Variants in P3H2 observed in about 807,000 individuals in gnomAD.
P3H2 encodes leprecan-like 1.
A neutral mutation model predicts 87.0 loss-of-function variants in P3H2; 80 were observed. The ratio of observed to expected loss-of-function variants is 0.92; its 90% CI spans 0.77 to 1.11. P3H2 has a LOEUF of 1.11. Among genes scored for constraint, P3H2 ranks in the 50% least tolerant of loss-of-function variants. The probability of loss-of-function intolerance (pLI) is 0.00; values close to 1 mark genes in which losing one functional copy is unlikely to be tolerated. For missense variants in P3H2, 1,001 were observed against 923.9 expected (o/e 1.08, Z -1.08); for synonymous variants, 367 against 359.3 (o/e 1.02, Z -0.24).
At position 189,970,804 on chromosome 3, in the gene P3H2, A is replaced by G. The variant is rs1355480299; in HGVS notation, c.1893+12T>C. The G allele has an allele frequency of 4.0e-6, 6 of 1,493,234 alleles. 1 individual carries two copies. Among genetic ancestry groups the G allele is most frequent in the Non-Finnish European group, 5.6e-6 (6 of 1,070,276 alleles). 92.5% of individuals were successfully genotyped at this position (1,493,234 alleles called of 1,614,324 possible). On this transcript the variant is annotated intron_variant, in intron 13 of 14. Coordinates refer to ENST00000319332, the MANE Select transcript of P3H2 (RefSeq NM_018192.4). The stretch of plus-strand genomic sequence containing the variant: ...ACATACTAAATAAGTATTCAAGAAT[A>G]GGTTTACTTACAGTCACAGTCTTAG...
At chr3:190,091,889 C>A (rs1011478887) in intron 1 of P3H2, among the ~76,000 whole-genome samples, 1 of 152,178 alleles carries the variant, frequency 6.6e-6, no homozygotes, top group African/African-American at 2.4e-5. Context: ...CAACGTGGAA[C>A]TAGGTTTTAC....
At chr3:190,069,214 G>GA (rs1021987000) in intron 1 of P3H2, among the ~76,000 whole-genome samples, 8 of 152,186 alleles carry the variant, frequency 5.3e-5, no homozygotes, top group Middle Eastern at 3.4e-3. Context: ...ATACCAAGAA[G>GA]AAAAAATCTA....
chr3:190,006,856 C>T (rs898036140), intron 1 of P3H2, among the ~76,000 whole-genome samples: 1 of 152,060 alleles, frequency 6.6e-6, no homozygotes, highest in African/African-American at 2.4e-5. Flanking sequence ...GTTTCGATTC[C>T]AGAGTAATGG....
intron 1 of P3H2, among the ~76,000 whole-genome samples, chr3:190,065,323 C>A (rs1726461861): frequency 6.6e-6 from 1 of 152,138 alleles, no homozygotes; most frequent in Non-Finnish European, 1.5e-5. Context: ...GAATCCATTA[C>A]CCTCCCTCCC....
At chr3:189,969,949 A>G (rs1161152553) in intron 13 of P3H2, 2 of 706,196 alleles carry the variant, frequency 2.8e-6, no homozygotes, top group Non-Finnish European at 5.2e-6. Context: ...TCGAAAATAT[A>G]TTTTTCTACC....
At chr3:190,094,409 T>C (rs991676260) in intron 1 of P3H2, among the ~76,000 whole-genome samples, 7 of 152,266 alleles carry the variant, frequency 4.6e-5, no homozygotes, top group African/African-American at 1.4e-4. Flanking sequence ...TTGAATTCTA[T>C]GACCCTGGTT....
Position 190,015,509 on chromosome 3 carries a change from G to A in P3H2, c.481-20067C>T, listed in dbSNP as rs143053044. Among the ~76,000 whole-genome samples the A allele has an allele frequency of 5.4e-3, 816 of 152,196 alleles. 6 individuals are homozygous for A. The highest frequency in any genetic ancestry group is 0.018 in the African/African-American group (766 of 41,518). ...GTTTTCCCTTCATGCCAATACCAGCGTTCTATGGTAGAAATAGCACTGACC... is the reference window on the plus strand; with the variant it reads ...GTTTTCCCTTCATGCCAATACCAGCATTCTATGGTAGAAATAGCACTGACC... On this transcript the variant is annotated intron_variant, in intron 1 of 14. Coordinates refer to ENST00000319332, the MANE Select transcript of P3H2 (RefSeq NM_018192.4).
At chr3:190,041,031 TATATATAC>T (rs1163596511) in intron 1 of P3H2, among the ~76,000 whole-genome samples, 3,623 of 51,504 alleles carry the variant, frequency 0.07, 181 homozygotes, top group African/African-American at 0.18. Flanking sequence ...TATATATATA[TATATATAC>T]ACACACACAC....
chr3:190,120,566 A>G lies in P3H2; in HGVS notation c.166T>C (p.Tyr56His). 3 of 1,538,974 alleles carry G rather than the reference A, an allele frequency of 1.9e-6. No homozygotes were observed. Among genetic ancestry groups the G allele is most frequent in the Non-Finnish European group, 2.6e-6 (3 of 1,152,740 alleles). ...LLYASGAAAY[Y>H]SGDYERAVRD... ...ACCGCTCGCTCGTAGTCTCCGCTGT[A>G]GTAGGCGGCCGCGCCGCTGGCGTAG... Residue 56 changes from tyrosine to histidine, a missense_variant, in exon 1 of 15, where the codon TAC becomes CAC. Physicochemically the swap from Tyr to His is moderately conservative, Grantham distance 83 (BLOSUM62 2). Coordinates refer to ENST00000319332, the MANE Select transcript of P3H2 (RefSeq NM_018192.4).
At chr3:190,092,735 A>C (rs919300709) in intron 1 of P3H2, among the ~76,000 whole-genome samples, 1 of 152,214 alleles carries the variant, frequency 6.6e-6, no homozygotes, top group African/African-American at 2.4e-5. Context: ...ATTTTATTTA[A>C]GGCAATTAAG....
intron 1 of P3H2, among the ~76,000 whole-genome samples, chr3:190,106,725 T>C (rs537721872): frequency 3.9e-5 from 6 of 152,302 alleles, no homozygotes; most frequent in African/African-American, 1.2e-4. Flanking sequence ...GAGAAGTGGA[T>C]GACAACTCAG....
At chr3:190,068,265 CAAT>C (rs1485168696) in intron 1 of P3H2, among the ~76,000 whole-genome samples, 1 of 152,008 alleles carries the variant, frequency 6.6e-6, no homozygotes, top group Non-Finnish European at 1.5e-5. Flanking sequence ...TGAATTTCAA[CAAT>C]AATTAAAATG....
At chr3:190,056,980 C>CA (rs1726180618) in intron 1 of P3H2, among the ~76,000 whole-genome samples, 1 of 152,144 alleles carries the variant, frequency 6.6e-6, no homozygotes. Flanking sequence ...GACCTCATTC[C>CA]AGGATAACTT....
intron 1 of P3H2, among the ~76,000 whole-genome samples, chr3:189,997,588 A>AC (rs1381190649): frequency 6.6e-6 from 1 of 152,222 alleles, no homozygotes; most frequent in African/African-American, 2.4e-5. Context: ...AAAAACATAA[A>AC]CTGCCCTGTT....
intron 14 of P3H2, among the ~76,000 whole-genome samples, chr3:189,959,859 T>G (rs1243889394): frequency 1.4e-5 from 1 of 73,134 alleles, no homozygotes; most frequent in Non-Finnish European, 3.1e-5. Context: ...CTGGAGGAGA[T>G]ATGTGTGTGT....
At chr3:190,084,930 C>T (rs1012372460) in intron 1 of P3H2, among the ~76,000 whole-genome samples, 5 of 147,712 alleles carry the variant, frequency 3.4e-5, no homozygotes, top group African/African-American at 1.0e-4. Context: ...CAGTTTTTGT[C>T]GAGAGCTAAG....
At chr3:190,025,316 A>C (rs149624534) in intron 1 of P3H2, among the ~76,000 whole-genome samples, 358 of 152,328 alleles carry the variant, frequency 2.4e-3, no homozygotes, top group African/African-American at 8.4e-3. Flanking sequence ...AGGCTAAAAA[A>C]ACCAAGCTGC....
intron 1 of P3H2, among the ~76,000 whole-genome samples, chr3:190,006,311 C>T (rs1178189249): frequency 6.6e-6 from 1 of 152,144 alleles, no homozygotes; most frequent in African/African-American, 2.4e-5. Flanking sequence ...GGATAAAGAA[C>T]CTGCCTAGAA....
At chr3:190,095,753 A>T (rs970665973) in intron 1 of P3H2, among the ~76,000 whole-genome samples, 5 of 152,008 alleles carry the variant, frequency 3.3e-5, no homozygotes, top group East Asian at 3.9e-4. Context: ...GGCGCCCGCC[A>T]CCACGCCTGG....
Sources: allele counts gnomAD v4.1 joint callset (sites outside exome capture counted in the v4.1 genomes callset), GRCh38; gene constraint gnomAD v4.1.1; transcripts MANE v1.5; gene names NCBI Gene and HGNC (gene_info 2026-07-23, HGNC 2026-07-21).